The following WDR43 variants were observed in gnomAD, a reference collection of about 807,000 sequenced individuals.
The protein encoded by WDR43 is WD repeat-containing protein 43.
Under a neutral mutation model 91.4 loss-of-function variants are expected in WDR43, and 13 were observed. The observed-to-expected ratio is 0.14, with a 90% CI of 0.09 to 0.23. The LOEUF is 0.23. WDR43 is among the 10% of genes least tolerant of loss of function. WDR43 has a pLI of 1.00. For missense variants in WDR43, 780 were observed against 809.4 expected (o/e 0.96, Z 0.44); for synonymous variants, 331 against 287.9 (o/e 1.15, Z -1.51).
At chr2:28,896,987 G>C (rs1670492777) in intron 1 of WDR43, among the ~76,000 whole-genome samples, 2 of 152,118 alleles carry the variant, frequency 1.3e-5, no homozygotes, top group African/African-American at 4.8e-5. Context: ...TTGAAAATCA[G>C]AGCTAAGAAA....
intron 6 of WDR43, among the ~76,000 whole-genome samples, chr2:28,918,993 CA>C (rs900598800): frequency 2.6e-5 from 4 of 151,922 alleles, no homozygotes; most frequent in African/African-American, 7.3e-5. Flanking sequence ...TGGTTTAAAA[CA>C]AAAAAAATTT....
intron 16 of WDR43, 83 bp downstream of exon 16, chr2:28,942,464 G>A (rs879175666): frequency 3.5e-5 from 49 of 1,412,212 alleles, no homozygotes; most frequent in Middle Eastern, 1.8e-4. Context: ...TTTTGAAAAC[G>A]TCAACATAAG....
Position 28,939,913 on chromosome 2 carries a change from C to T in WDR43, c.1621-1548C>T, listed in dbSNP as rs1426068907. On this transcript the variant is annotated intron_variant, in intron 14 of 17. Transcript: ENST00000407426. ...ATGAGTTCAGGAGATCAAGACCATC[C>T]TTTCTAACACGGTGAAACCCCGTCT... Among the ~76,000 whole-genome samples, 3 of 151,938 alleles carry T rather than the reference C, an allele frequency of 2.0e-5. No individual in the cohort carries two copies. In the East Asian group the frequency reaches 5.8e-4, roughly 30 times the overall value.
chr2:28,904,327 G>T (rs1670637671), intron 2 of WDR43, among the ~76,000 whole-genome samples: 1 of 152,134 alleles, frequency 6.6e-6, no homozygotes, highest in South Asian at 2.1e-4. Flanking sequence ...CCTTAAATGG[G>T]TATTAACAGC....
chr2:28,903,000 T>A (rs1336204366), intron 2 of WDR43, among the ~76,000 whole-genome samples: 1 of 152,212 alleles, frequency 6.6e-6, no homozygotes, highest in Non-Finnish European at 1.5e-5. Context: ...AGGAAAAAAA[T>A]TTATACCTAA....
At chr2:28,913,987 T>G in intron 4 of WDR43, 82 bp from the exon 5 acceptor site, 1 of 1,514,264 alleles carries the variant, frequency 6.6e-7, no homozygotes. Flanking sequence ...GTATCACATA[T>G]GGCTTGTTTT....
At chr2:28,933,039 A>G (rs1671277158) in intron 11 of WDR43, among the ~76,000 whole-genome samples, 1 of 152,178 alleles carries the variant, frequency 6.6e-6, no homozygotes, top group African/African-American at 2.4e-5. Context: ...AATATTCTGT[A>G]TTTTGGGGTC....
At chr2:28,936,736 C>G (rs1191167228) in intron 12 of WDR43, among the ~76,000 whole-genome samples, 186 bp from the exon 13 acceptor site, 1 of 152,072 alleles carries the variant, frequency 6.6e-6, no homozygotes, top group Non-Finnish European at 1.5e-5. Context: ...TCATATAAGT[C>G]CTATCCTAGA....
intron 6 of WDR43, among the ~76,000 whole-genome samples, chr2:28,922,279 A>G (rs1156237096): frequency 6.6e-6 from 1 of 152,108 alleles, no homozygotes; most frequent in Non-Finnish European, 1.5e-5. Flanking sequence ...CATTACCTTT[A>G]TAATTAGAGT....
Position 28,908,202 on chromosome 2 carries a change from T to C in WDR43, c.485+1621T>C, listed in dbSNP as rs1670721120. The stretch of plus-strand genomic sequence containing the variant: ...TAGGGGGATAATGCATGGTAGAGGA[T>C]AGAAATTATGGTCAGAAGAGATACA... On this transcript the variant is annotated intron_variant, in intron 3 of 17. Coordinates refer to ENST00000407426, the MANE Select transcript of WDR43 (RefSeq NM_015131.3). 2.0e-5 allele frequency among the ~76,000 whole-genome samples: 3 copies of C among 152,100 alleles called. No individual in the cohort carries two copies. The South Asian group carries it at 6.2e-4, about 32-fold the overall frequency.
chr2:28,894,732 C>G lies in WDR43; in HGVS notation c.34C>G (p.Leu12Val). ...GGGCGGCGGCGGTAGCTGCGACCCC[C>G]TGGCCCCTGCTGGGGTCCCTTGCGC... ...AAGGGGSCDP[L>V]APAGVPCAFS... Residue 12 changes from leucine (L) to valine (V), a missense_variant, in exon 1 of 18, where the codon CTG becomes GTG. By Grantham distance (32) the Leu-to-Val change is conservative. Around this residue, in one of 4 missense-constraint regions of WDR43, gnomAD observed 175 missense variants for 113.8 expected, o/e 1.54. Transcript: ENST00000407426. 2 of 1,581,960 alleles carry G rather than the reference C, an allele frequency of 1.3e-6. No homozygotes were observed. The highest frequency in any genetic ancestry group is 1.3e-5 in the African/African-American group (1 of 74,278).
chr2:28,925,238 C>A, intron 8 of WDR43, 85 bp downstream of exon 8: 1 of 1,235,940 alleles, frequency 8.1e-7, no homozygotes, highest in Non-Finnish European at 1.1e-6. Flanking sequence ...CAACATTGGT[C>A]TTTAAGATAA....
intron 6 of WDR43, among the ~76,000 whole-genome samples, chr2:28,921,422 A>C (rs1024400390): frequency 6.6e-5 from 10 of 152,232 alleles, no homozygotes; most frequent in African/African-American, 2.4e-4. Context: ...CACTGTGCCC[A>C]GCCTTTTAAA....
intron 1 of WDR43, among the ~76,000 whole-genome samples, chr2:28,897,678 G>A (rs568095192): frequency 6.6e-5 from 10 of 152,306 alleles, no homozygotes; most frequent in South Asian, 2.1e-4. Flanking sequence ...AGTTTGCTAC[G>A]CAAGGACAAA....
intron 1 of WDR43, among the ~76,000 whole-genome samples, chr2:28,901,323 AAG>A (rs1195603427): frequency 6.6e-6 from 1 of 152,222 alleles, no homozygotes; most frequent in African/African-American, 2.4e-5. Context: ...TTTGAAATGA[AAG>A]AAGTCTTGTG....
chr2:28,900,870 A>G (rs556104709), intron 1 of WDR43, among the ~76,000 whole-genome samples: 2 of 152,192 alleles, frequency 1.3e-5, no homozygotes, highest in African/African-American at 4.8e-5. Context: ...ACTGCATTTC[A>G]TCTGTGTCCA....
intron 16 of WDR43, among the ~76,000 whole-genome samples, chr2:28,944,879 C>T (rs143318898): frequency 7.2e-5 from 11 of 152,220 alleles, no homozygotes; most frequent in South Asian, 4.1e-4. Flanking sequence ...CCAGATAGCA[C>T]GGCACTTCAT....
chr2:28,901,536 G>A (rs1670577193), intron 1 of WDR43, among the ~76,000 whole-genome samples: 3 of 152,206 alleles, frequency 2.0e-5, no homozygotes, highest in Admixed American at 2.0e-4. Flanking sequence ...AACTAAGCTA[G>A]AATTTGTGGA....
Position 28,931,202 on chromosome 2 carries a change from C to T in WDR43, c.1437+1492C>T, listed in dbSNP as rs6748697. ...GTTCAAGCAATTCTCCTGCCTCAGC[C>T]TCCCGAATTGCTGGGGTTACAGGCG... On this transcript the variant is annotated intron_variant, in intron 11 of 17. Transcript: ENST00000407426. 2.3e-3 allele frequency among the ~76,000 whole-genome samples: 355 copies of T among 152,008 alleles called. 2 individuals carry two copies. The highest frequency in any genetic ancestry group is 8.0e-3 in the African/African-American group (331 of 41,434).
Sources: gnomAD v4.1 joint callset for allele counts (sites outside exome capture counted in the v4.1 genomes callset) on GRCh38, gnomAD v4.1.1 for gene constraint, gnomAD v4.1.1 regional missense constraint, MANE v1.5 for transcripts, NCBI Gene and HGNC (gene_info 2026-07-23, HGNC 2026-07-21) for gene names.